The following CNTN4 variants were observed in gnomAD, a reference collection of about 807,000 sequenced individuals.
CNTN4 encodes the protein contactin 4.
A neutral mutation model predicts 122.5 loss-of-function variants in CNTN4; 77 were observed. The ratio of observed to expected loss-of-function variants is 0.63; its 90% confidence interval spans 0.52 to 0.76. CNTN4 has a LOEUF of 0.76. Ranked by LOEUF, CNTN4 falls within the 30% of genes least tolerant of loss-of-function variation. The pLI, the probability that CNTN4 is intolerant of heterozygous loss-of-function variation, is 0.00. For missense variants in CNTN4, 1,256 were observed against 1,259.1 expected, an observed-to-expected ratio of 1.00 and a Z score of 0.04; for synonymous variants, 512 against 447.0, an observed-to-expected ratio of 1.15 and a Z score of -1.83.
At position 2,114,711 on chromosome 3, in the gene CNTN4, C is replaced by T. The variant is rs75537374; in HGVS notation, c.-145+14072C>T. 1.9e-4 allele frequency among the ~76,000 whole-genome samples: 29 copies of T among 152,178 alleles called. No individual in the cohort carries two copies. The East Asian group carries it at 3.5e-3, about 18-fold the overall frequency. ...GCTTTGTGCAAAGTAGCATCTCTAG[C>T]GAATGGGACAAATTGGGGAATATGA... On this transcript the variant is annotated intron_variant, in intron 2 of 24. Transcript: ENST00000418658.
chr3:2,567,460 C>A (rs2079221335), intron 3 of CNTN4, among the ~76,000 whole-genome samples: 1 of 152,112 alleles, frequency 6.6e-6, no homozygotes, highest in South Asian at 2.1e-4. Context: ...CAGCCTCTTT[C>A]CCCCTCAGCC....
At chr3:2,358,199 C>G (rs776037670) in intron 3 of CNTN4, among the ~76,000 whole-genome samples, 2 of 152,170 alleles carry the variant, frequency 1.3e-5, no homozygotes, top group Non-Finnish European at 2.9e-5. Context: ...ATGTATATCA[C>G]AGTCCACTTA....
intron 3 of CNTN4, among the ~76,000 whole-genome samples, chr3:2,457,060 C>T (rs2151403211): frequency 6.6e-6 from 1 of 152,136 alleles, no homozygotes; most frequent in East Asian, 1.9e-4. Flanking sequence ...AGATTAAACC[C>T]AATGAGCCAG....
chr3:2,219,884 G>A (rs60191631), intron 2 of CNTN4, among the ~76,000 whole-genome samples: 13,450 of 151,942 alleles, frequency 0.089, 972 homozygotes, highest in East Asian at 0.37. Context: ...TTCATACCAT[G>A]CTTCTATTTA....
chr3:2,554,458 T>A (rs941347172), intron 3 of CNTN4, among the ~76,000 whole-genome samples: 2 of 152,114 alleles, frequency 1.3e-5, no homozygotes, highest in Admixed American at 1.3e-4. Flanking sequence ...ATTTGTACAA[T>A]GATTTTGAGT....
At chr3:2,983,636 T>C (rs1325506623) in intron 13 of CNTN4, among the ~76,000 whole-genome samples, 1 of 152,196 alleles carries the variant, frequency 6.6e-6, no homozygotes, top group African/African-American at 2.4e-5. Context: ...ATAGTTACTT[T>C]TATTATCCCA....
intron 4 of CNTN4, among the ~76,000 whole-genome samples, chr3:2,616,878 C>T (rs1460239312): frequency 6.6e-6 from 1 of 152,120 alleles, no homozygotes; most frequent in East Asian, 1.9e-4. Flanking sequence ...CTGACAAAAA[C>T]AAGCAATGGG....
intron 4 of CNTN4, among the ~76,000 whole-genome samples, chr3:2,673,461 C>A (rs1260155686): frequency 6.6e-6 from 1 of 152,156 alleles, no homozygotes; most frequent in South Asian, 2.1e-4. Flanking sequence ...ACTTCCCTAT[C>A]CCCTTAGTCT....
chr3:2,214,821 A>G (rs2038769688), intron 2 of CNTN4, among the ~76,000 whole-genome samples: 1 of 152,240 alleles, frequency 6.6e-6, no homozygotes, highest in Non-Finnish European at 1.5e-5. Flanking sequence ...TAGCATTGTT[A>G]AATATAATCT....
chr3:2,476,518 T>TA (rs2075838858), intron 3 of CNTN4, among the ~76,000 whole-genome samples: 1 of 152,234 alleles, frequency 6.6e-6, no homozygotes, highest in Admixed American at 6.5e-5. Context: ...TGCTACCTCT[T>TA]ACGGCAAGAG....
At chr3:2,721,722 T>A (rs1375277959) in intron 4 of CNTN4, among the ~76,000 whole-genome samples, 1 of 152,022 alleles carries the variant, frequency 6.6e-6, no homozygotes, top group Non-Finnish European at 1.5e-5. Flanking sequence ...AGGGTTTGCC[T>A]GCTCACCTCC....
chr3:2,499,169 T>C (rs1485860355), intron 3 of CNTN4, among the ~76,000 whole-genome samples: 1 of 152,210 alleles, frequency 6.6e-6, no homozygotes, highest in Non-Finnish European at 1.5e-5. Context: ...TCCTCTAAAA[T>C]AGTTTTATAT....
chr3:2,993,482 A>T (rs774873273), intron 14 of CNTN4, among the ~76,000 whole-genome samples: 110 of 151,994 alleles, frequency 7.2e-4, no homozygotes, highest in Middle Eastern at 3.4e-3. Context: ...ATTTTTTAGT[A>T]GAGACAGGGT....
chr3:2,411,982 C>G (rs1024063161), intron 3 of CNTN4, among the ~76,000 whole-genome samples: 1 of 152,006 alleles, frequency 6.6e-6, no homozygotes, highest in South Asian at 2.1e-4. Context: ...CTGTCAATAC[C>G]TCTTCTATCC....
intron 2 of CNTN4, among the ~76,000 whole-genome samples, chr3:2,124,895 A>T (rs1302606683): frequency 2.0e-5 from 3 of 152,232 alleles, no homozygotes; most frequent in African/African-American, 7.2e-5. Flanking sequence ...CAGTACAATT[A>T]AGGTAATAAA....
Position 2,855,372 on chromosome 3 carries a change from G to T in CNTN4, c.455-11380G>T, listed in dbSNP as rs9867619. 2.6e-5 allele frequency among the ~76,000 whole-genome samples: 4 copies of T among 152,112 alleles called. No homozygotes were observed. The South Asian group carries it at 8.3e-4, about 32-fold the overall frequency. On this transcript the variant is annotated intron_variant, in intron 7 of 24. Transcript: ENST00000418658. ...TCTTTGTGGTCTTGGAATAGCTTAT[G>T]TAATTTTCTATATCTCACTTTCCCT...
At chr3:2,791,617 C>T (rs2092014674) in intron 6 of CNTN4, among the ~76,000 whole-genome samples, 1 of 152,046 alleles carries the variant, frequency 6.6e-6, no homozygotes, top group South Asian at 2.1e-4. Context: ...GAATGCAAAC[C>T]TGATGCCTGA....
chr3:2,766,654 T>C (rs1305693025), intron 6 of CNTN4, among the ~76,000 whole-genome samples: 2 of 152,040 alleles, frequency 1.3e-5, no homozygotes, highest in Non-Finnish European at 2.9e-5. Flanking sequence ...CGTATACTGC[T>C]TGGGTCATGG....
chr3:2,957,718 G>A (rs765827232), intron 13 of CNTN4, among the ~76,000 whole-genome samples: 3 of 152,030 alleles, frequency 2.0e-5, no homozygotes, highest in Non-Finnish European at 2.9e-5. Context: ...GTGTTAGTTT[G>A]CTTAGGATAA....
Sources: allele counts gnomAD v4.1 joint callset (sites outside exome capture counted in the v4.1 genomes callset), GRCh38; gene constraint gnomAD v4.1.1; transcripts MANE v1.5; gene names NCBI Gene and HGNC (gene_info 2026-07-23, HGNC 2026-07-21).